Variants in PRKCH observed in about 807,000 individuals in gnomAD.
The protein encoded by PRKCH is protein kinase C eta type.
In PRKCH, 28 loss-of-function variants were observed where a neutral mutation model predicts 82.5. The observed-to-expected ratio is 0.34, with a 90% CI of 0.25 to 0.47. The LOEUF is 0.47. Among genes scored for constraint, PRKCH ranks in the 20% least tolerant of loss-of-function variants. The pLI is 1.00. For missense variants in PRKCH, 705 were observed against 881.8 expected (o/e 0.80, Z 2.54); for synonymous variants, 322 against 327.4 (o/e 0.98, Z 0.18).
intron 10 of PRKCH, among the ~76,000 whole-genome samples, chr14:61,500,963 A>G (rs1238484415): frequency 1.3e-5 from 2 of 152,196 alleles, no homozygotes; most frequent in African/African-American, 4.8e-5. Context: ...ATGGAACAGC[A>G]TGAAAATGAG....
At chr14:61,273,973 A>T (rs2045180436) in intron 1 of PRKCH, among the ~76,000 whole-genome samples, 1 of 152,246 alleles carries the variant, frequency 6.6e-6, no homozygotes, top group Non-Finnish European at 1.5e-5. Flanking sequence ...TGAGAAAAAA[A>T]TTCTCACCTC....
intron 1 of PRKCH, chr14:61,347,791 A>C (rs563705641): frequency 6.6e-6 from 1 of 152,616 alleles, no homozygotes; most frequent in Admixed American, 6.5e-5. Flanking sequence ...ACTGTTTTAC[A>C]CCATGAGCAT....
At chr14:61,511,881 A>G (rs1887393895) in intron 10 of PRKCH, among the ~76,000 whole-genome samples, 1 of 152,186 alleles carries the variant, frequency 6.6e-6, no homozygotes, top group South Asian at 2.1e-4. Context: ...GGTGGATAGA[A>G]CATTGTGTGG....
chr14:61,413,062 A>G (rs534899830), intron 2 of PRKCH, among the ~76,000 whole-genome samples: 1 of 151,762 alleles, frequency 6.6e-6, no homozygotes, highest in Non-Finnish European at 1.5e-5. Context: ...AAAATTCTTC[A>G]CCTGATCATA....
chr14:61,355,155 C>T (rs931051605), intron 1 of PRKCH, among the ~76,000 whole-genome samples: 2 of 152,124 alleles, frequency 1.3e-5, no homozygotes, highest in African/African-American at 4.8e-5. Flanking sequence ...GATTCAATTC[C>T]AGCAAGTCAT....
chr14:61,335,587 C>T (rs1594923499), intron 1 of PRKCH, among the ~76,000 whole-genome samples: 2 of 151,884 alleles, frequency 1.3e-5, no homozygotes, highest in African/African-American at 4.8e-5. Flanking sequence ...AAAACCACAA[C>T]CCCCCCATCT....
Position 61,281,002 on chromosome 14 carries a change from A to C in PRKCH, c.-19+93334A>C, listed in dbSNP as rs1018267661. 2.5e-5 allele frequency: 38 copies of C among 1,539,612 alleles called. No individual in the cohort carries two copies. Among genetic ancestry groups the C allele is most frequent in the Non-Finnish European group, 3.1e-5 (35 of 1,145,380 alleles). Reference sequence around the variant, plus strand: ...GGAGGAGTAGTAGAGGCCCAGGCCCAGGCCGATGAAGGCCAGGCCCGCGCA... The same window carrying C: ...GGAGGAGTAGTAGAGGCCCAGGCCCCGGCCGATGAAGGCCAGGCCCGCGCA... On this transcript the variant is annotated intron_variant, in intron 1 of 3. Transcript: ENST00000555185.
intron 2 of PRKCH, among the ~76,000 whole-genome samples, chr14:61,430,591 C>T (rs1291105082): frequency 3.3e-5 from 5 of 152,196 alleles, no homozygotes; most frequent in East Asian, 1.9e-4. Flanking sequence ...CAGATATGAG[C>T]GGGGCAGGAG....
chr14:61,492,765 C>G (rs942289454), intron 10 of PRKCH, among the ~76,000 whole-genome samples: 3 of 152,242 alleles, frequency 2.0e-5, no homozygotes, highest in Middle Eastern at 3.4e-3. Flanking sequence ...AGAGAGATAG[C>G]CATTAATAAG....
chr14:61,339,859 T>G (rs1384701562), intron 1 of PRKCH, among the ~76,000 whole-genome samples: 2 of 151,368 alleles, frequency 1.3e-5, no homozygotes, highest in Non-Finnish European at 2.9e-5. Flanking sequence ...ATTTTTTAAT[T>G]TTTCATAGAG....
At chr14:61,232,884 AC>A (rs1253663703) in intron 1 of PRKCH, among the ~76,000 whole-genome samples, 1 of 152,168 alleles carries the variant, frequency 6.6e-6, no homozygotes, top group Non-Finnish European at 1.5e-5. Context: ...GGGGTTGCCA[AC>A]CGTCAGTCAA....
At chr14:61,221,735 C>A (rs910816789) in intron 1 of PRKCH, among the ~76,000 whole-genome samples, 2 of 152,108 alleles carry the variant, frequency 1.3e-5, no homozygotes, top group African/African-American at 4.8e-5. Flanking sequence ...ATCCTCCACC[C>A]AAGTCAGGCC....
intron 1 of PRKCH, among the ~76,000 whole-genome samples, chr14:61,341,423 C>T (rs933200910): frequency 6.6e-6 from 1 of 152,168 alleles, no homozygotes; most frequent in Non-Finnish European, 1.5e-5. Context: ...CATGTAACTA[C>T]AAAGACATCC....
intron 1 of PRKCH, among the ~76,000 whole-genome samples, chr14:61,209,048 T>G (rs2044548957): frequency 6.6e-6 from 1 of 152,166 alleles, no homozygotes; most frequent in Non-Finnish European, 1.5e-5. Context: ...AACGGATTAA[T>G]GCCATTATCA....
At chr14:61,249,137 GA>G (rs1373876306) in intron 1 of PRKCH, among the ~76,000 whole-genome samples, 2 of 152,078 alleles carry the variant, frequency 1.3e-5, no homozygotes, top group Non-Finnish European at 2.9e-5. Flanking sequence ...CAAGCAACTG[GA>G]AACCCTGGCA....
At position 61,290,064 on chromosome 14, in the gene PRKCH, C is replaced by T. The variant is rs538334072; in HGVS notation, c.-19+102396C>T. 2.7e-3 allele frequency among the ~76,000 whole-genome samples: 414 copies of T among 152,172 alleles called. 3 individuals are homozygous for T. The highest frequency in any genetic ancestry group is 9.7e-3 in the African/African-American group (401 of 41,524). On this transcript the variant is annotated intron_variant, in intron 1 of 3. Coordinates refer to the PRKCH transcript ENST00000555185. Reference sequence around the variant, plus strand: ...ATCCCAGCACTTGGGGAGGCTGAGGCGGGCAGATCACAAGGTCAGTAGATC... The same window carrying T: ...ATCCCAGCACTTGGGGAGGCTGAGGTGGGCAGATCACAAGGTCAGTAGATC...
intron 1 of PRKCH, among the ~76,000 whole-genome samples, chr14:61,200,411 T>G (rs8021980): frequency 0.015 from 2,236 of 145,810 alleles, 53 homozygotes; most frequent in African/African-American, 0.057. Flanking sequence ...GTGTGTGTGT[T>G]TGTGTGTTAC....
At chr14:61,372,697 T>G (rs181529840) in intron 1 of PRKCH, among the ~76,000 whole-genome samples, 12 of 152,180 alleles carry the variant, frequency 7.9e-5, no homozygotes, top group African/African-American at 2.9e-4. Context: ...CTCACTTCTT[T>G]CAGTGAGGTT....
intron 1 of PRKCH, chr14:61,298,221 C>T (rs908862856): frequency 6.6e-6 from 1 of 152,406 alleles, no homozygotes; most frequent in African/African-American, 2.4e-5. Context: ...ACTCCAGTTC[C>T]TTGATGGTGT....
Sources: allele counts gnomAD v4.1 joint callset (sites outside exome capture counted in the v4.1 genomes callset), GRCh38; gene constraint gnomAD v4.1.1; transcripts MANE v1.5; gene names NCBI Gene and HGNC (gene_info 2026-07-23, HGNC 2026-07-21).